Variants in ANKRD36 observed in about 807,000 individuals in gnomAD.
ANKRD36 encodes ankyrin repeat domain 36.
ANKRD36 carries 179 observed loss-of-function variants against 278.1 expected under a neutral mutation model. That is an observed-to-expected ratio of 0.64 (90% CI 0.57 to 0.73). The LOEUF (loss-of-function observed/expected upper bound fraction) is 0.73, where lower values mean the gene tolerates loss of function less well. Among genes scored for constraint, ANKRD36 ranks in the 30% least tolerant of loss-of-function variants. ANKRD36 has a pLI of 0.00. For synonymous variants in ANKRD36, 320 were observed against 641.1 expected (o/e 0.50, Z 7.57); for missense variants, 1,159 against 1,956.7 (o/e 0.59, Z 7.69).
At chr2:97,200,565 GA>G in intron 46 of ANKRD36, 40 bp downstream of exon 46, 1 of 1,538,508 alleles carries the variant, frequency 6.5e-7, no homozygotes, top group Non-Finnish European at 8.7e-7. Context: ...GTTCAGTCCA[GA>G]TAAGAAGTTC....
intron 6 of ANKRD36, among the ~76,000 whole-genome samples, chr2:97,134,032 T>A (rs1332368906): frequency 3.3e-5 from 5 of 152,168 alleles, no homozygotes; most frequent in African/African-American, 7.2e-5. Context: ...TAGAATACTT[T>A]TGCTGCCCTG....
At chr2:97,240,980 ATGTTTTTTT>A (rs2074240231) in intron 68 of ANKRD36, among the ~76,000 whole-genome samples, 1 of 29,628 alleles carries the variant, frequency 3.4e-5, no homozygotes, top group Non-Finnish European at 6.7e-5. Flanking sequence ...TCACATAACT[ATGTTTTTTT>A]TTTTTTTTTT....
rs539042521 is a variant in ANKRD36, at chr2:97,181,637, T to A, written c.1764+11T>A. On this transcript the variant is annotated intron_variant, in intron 25 of 75. Transcript: ENST00000420699. ...CAACCAGCTGAGAAGGTAATTAAAG[T>A]CTCATTTATATGTTGAACTATTAAC... The A allele has an allele frequency of 6.9e-6, 11 of 1,602,512 alleles. No individual in the cohort carries two copies. In the African/African-American group the frequency reaches 9.4e-5, roughly 14 times the overall value.
intron 30 of ANKRD36, among the ~76,000 whole-genome samples, chr2:97,186,599 G>A (rs1173147972): frequency 6.6e-6 from 1 of 151,526 alleles, no homozygotes; most frequent in African/African-American, 2.4e-5. Context: ...TAGGCAAATT[G>A]TTGCACCACA....
At chr2:97,230,989 T>C (rs1473902048) in intron 67 of ANKRD36, among the ~76,000 whole-genome samples, 1 of 152,076 alleles carries the variant, frequency 6.6e-6, no homozygotes, top group East Asian at 2.0e-4. Context: ...TGTGTGATCG[T>C]TCCTCTGGGA....
intron 12 of ANKRD36, among the ~76,000 whole-genome samples, chr2:97,150,035 G>A (rs1407500802): frequency 6.6e-6 from 1 of 151,752 alleles, no homozygotes; most frequent in Non-Finnish European, 1.5e-5. Flanking sequence ...AATATAACAA[G>A]TGCTTATCTC....
intron 6 of ANKRD36, among the ~76,000 whole-genome samples, chr2:97,130,184 A>G (rs1410608425): frequency 6.6e-6 from 1 of 151,732 alleles, no homozygotes; most frequent in Non-Finnish European, 1.5e-5. Flanking sequence ...TAGCAAAGAC[A>G]TGGAACCAAC....
chr2:97,205,245 T>C (rs1575881320), intron 50 of ANKRD36, among the ~76,000 whole-genome samples: 1 of 151,668 alleles, frequency 6.6e-6, no homozygotes, highest in African/African-American at 2.4e-5. Flanking sequence ...TAATTGATGA[T>C]ATTTTTATTG....
At chr2:97,222,918 A>G (rs1470614387) in intron 66 of ANKRD36, among the ~76,000 whole-genome samples, 1 of 152,066 alleles carries the variant, frequency 6.6e-6, no homozygotes, top group Non-Finnish European at 1.5e-5. Context: ...TTAGCATGGT[A>G]TATCAAATCA....
intron 75 of ANKRD36, among the ~76,000 whole-genome samples, chr2:97,260,332 A>G (rs1311155014): frequency 8.3e-6 from 1 of 120,940 alleles, no homozygotes; most frequent in Non-Finnish European, 1.7e-5. Flanking sequence ...GTCAATGAGC[A>G]GTAATATTTT....
chr2:97,198,685 A>G (rs1225057716), intron 44 of ANKRD36, 27 bp downstream of exon 44: 4 of 1,530,426 alleles, frequency 2.6e-6, no homozygotes, highest in Non-Finnish European at 3.5e-6. Context: ...ATTTAATGTC[A>G]TGTTCAGTGC....
chr2:97,121,512 C>G (rs1236465678), intron 3 of ANKRD36, among the ~76,000 whole-genome samples: 1 of 152,088 alleles, frequency 6.6e-6, no homozygotes, highest in Non-Finnish European at 1.5e-5. Flanking sequence ...TGGTGGCACA[C>G]TCCTGTAGTC....
chr2:97,185,642 T>C (rs1307547410), intron 30 of ANKRD36, 132 bp downstream of exon 30: 18 of 1,196,932 alleles, frequency 1.5e-5, no homozygotes, highest in Non-Finnish European at 2.2e-5. Flanking sequence ...TCTTCATTTG[T>C]AATAAGTTCT....
chr2:97,208,443 A>T (rs1432466231), intron 54 of ANKRD36, among the ~76,000 whole-genome samples: 4 of 146,530 alleles, frequency 2.7e-5, no homozygotes, highest in East Asian at 2.0e-4. Flanking sequence ...GTGTAGCAAC[A>T]GTTTTCCTAA....
chr2:97,179,863 T>C lies in ANKRD36; in HGVS notation c.1665T>C (p.Ala555=). ...VSSQKQPAEK[A]TSDDKDSVSN... ...ATTTTGCTTCAAATCCCATTCAGGC[T>C]ACAAGTGACGACAAAGATTCTGTTT... The change falls in exon 24 of 76, where the codon GCT becomes GCC. Residue 555 remains alanine, a splice_region_variant and synonymous_variant. Transcript: ENST00000420699. 6.2e-7 allele frequency: 1 copy of C among 1,604,816 alleles called. No homozygotes were observed. Among genetic ancestry groups the C allele is most frequent in the Non-Finnish European group, 8.5e-7 (1 of 1,178,316 alleles).
intron 10 of ANKRD36, among the ~76,000 whole-genome samples, chr2:97,145,097 G>A (rs2043926047): frequency 1.3e-5 from 2 of 151,952 alleles, no homozygotes; most frequent in Admixed American, 6.6e-5. Context: ...AGAAATGATC[G>A]TAATAAGCCA....
chr2:97,200,319 C>T lies in ANKRD36; in HGVS notation c.2756-15C>T, dbSNP rs754814413. On this transcript the variant is annotated splice_polypyrimidine_tract_variant and intron_variant, in intron 44 of 75. Coordinates refer to ENST00000420699, the MANE Select transcript of ANKRD36 (RefSeq NM_001354587.1). Reference sequence around the variant, plus strand: ...GTTTACATGTGAGTGATTATGTATCCCTTTTGCTTTTCAGTGTCTTCTCGG... The same window carrying T: ...GTTTACATGTGAGTGATTATGTATCTCTTTTGCTTTTCAGTGTCTTCTCGG... 9 of 1,607,236 alleles carry T rather than the reference C, an allele frequency of 5.6e-6. No homozygotes were observed. The highest frequency in any genetic ancestry group is 7.6e-6 in the Non-Finnish European group (9 of 1,178,596).
intron 26 of ANKRD36, among the ~76,000 whole-genome samples, chr2:97,183,028 G>A (rs1020620262): frequency 2.6e-5 from 4 of 151,660 alleles, no homozygotes; most frequent in African/African-American, 4.8e-5. Flanking sequence ...CAAGTTAAAA[G>A]AGCGTGATGA....
At chr2:97,155,083 A>C (rs2443871) in intron 15 of ANKRD36, among the ~76,000 whole-genome samples, 69,694 of 134,920 alleles carry the variant, frequency 0.52, 23,484 homozygotes, top group Non-Finnish European at 0.71. Context: ...AGTGTTTTTA[A>C]TCTGAGTTGT....
Sources: allele counts gnomAD v4.1 joint callset (sites outside exome capture counted in the v4.1 genomes callset), GRCh38; gene constraint gnomAD v4.1.1; transcripts MANE v1.5; gene names NCBI Gene and HGNC (gene_info 2026-07-23, HGNC 2026-07-21).